The following IFT25 variants were observed in gnomAD, a reference collection of about 807,000 sequenced individuals.
IFT25 encodes the protein intraflagellar transport protein 25 homolog.
chr1:53,922,690 T>C, the IFT25 span, among the ~76,000 whole-genome samples: 4 of 152,142 alleles, frequency 2.6e-5, no homozygotes, highest in Admixed American at 2.6e-4. Context: ...GGACAAACTG[T>C]GTAATGACAG....
the IFT25 span, among the ~76,000 whole-genome samples, chr1:53,926,077 CAAAAAA>C: frequency 1.8e-5 from 1 of 54,130 alleles, no homozygotes; most frequent in African/African-American, 6.3e-5. Context: ...ACTCCAGTCT[CAAAAAA>C]AAAAAAAAAA....
the IFT25 span, among the ~76,000 whole-genome samples, chr1:53,914,662 CTG>C: frequency 2.6e-5 from 4 of 152,196 alleles, no homozygotes; most frequent in South Asian, 8.3e-4. Context: ...AATGGAATTT[CTG>C]TGTCAAAGAC....
chr1:53,942,198 T>A, the IFT25 span, among the ~76,000 whole-genome samples: 1 of 152,122 alleles, frequency 6.6e-6, no homozygotes, highest in Non-Finnish European at 1.5e-5. Flanking sequence ...AGATATTTAA[T>A]AAGGATAAAA....
the IFT25 span, among the ~76,000 whole-genome samples, chr1:53,915,513 G>A: frequency 6.6e-6 from 1 of 152,114 alleles, no homozygotes; most frequent in East Asian, 1.9e-4. Context: ...TGAAGAGTCA[G>A]GTATAAGAAC....
chr1:53,915,706 T>C, the IFT25 span, among the ~76,000 whole-genome samples: 2 of 152,172 alleles, frequency 1.3e-5, no homozygotes, highest in African/African-American at 2.4e-5. Context: ...AAGGACCTGA[T>C]GTCAATGAGG....
the IFT25 span, among the ~76,000 whole-genome samples, chr1:53,930,401 T>C: frequency 6.6e-6 from 1 of 152,190 alleles, no homozygotes; most frequent in Non-Finnish European, 1.5e-5. Flanking sequence ...TTGCCTATAA[T>C]TCTAAACTCC....
At chr1:53,912,032 T>TCATG in the IFT25 span, among the ~76,000 whole-genome samples, 2 of 152,108 alleles carry the variant, frequency 1.3e-5, no homozygotes, top group Non-Finnish European at 2.9e-5. Flanking sequence ...CCAAAGCCAC[T>TCATG]CATGACCAAC....
the IFT25 span, among the ~76,000 whole-genome samples, chr1:53,931,060 T>C: frequency 6.6e-6 from 1 of 152,174 alleles, no homozygotes; most frequent in South Asian, 2.1e-4. Context: ...TACAGAACAT[T>C]TCCGTGACTC....
the IFT25 span, among the ~76,000 whole-genome samples, chr1:53,932,965 A>AT: frequency 6.6e-6 from 1 of 151,988 alleles, no homozygotes; most frequent in African/African-American, 2.4e-5. Context: ...GTCTTTATTG[A>AT]TTTTCTGCCA....
At chr1:53,931,985 T>G in the IFT25 span, among the ~76,000 whole-genome samples, 907 of 152,330 alleles carry the variant, frequency 6.0e-3, 9 homozygotes, top group African/African-American at 0.021. Flanking sequence ...ATGCTATTAC[T>G]TTCCCTTGAG....
chr1:53,937,034 C>T, the IFT25 span, among the ~76,000 whole-genome samples: 1 of 152,140 alleles, frequency 6.6e-6, no homozygotes, highest in Non-Finnish European at 1.5e-5. Flanking sequence ...TTCCATTATC[C>T]TGTAGGGACA....
the IFT25 span, among the ~76,000 whole-genome samples, chr1:53,933,033 T>C: frequency 6.6e-6 from 1 of 152,252 alleles, no homozygotes; most frequent in African/African-American, 2.4e-5. Flanking sequence ...AACTGTGAAT[T>C]TGTCTATTTC....
chr1:53,944,908 A>G, the IFT25 span, among the ~76,000 whole-genome samples: 1 of 152,124 alleles, frequency 6.6e-6, no homozygotes, highest in Middle Eastern at 3.2e-3. Flanking sequence ...TCTTCAGGTC[A>G]AGTCCTTAGA....
chr1:53,941,283 G>A, the IFT25 span, among the ~76,000 whole-genome samples: 1,355 of 152,150 alleles, frequency 8.9e-3, 23 homozygotes, highest in African/African-American at 0.03. Flanking sequence ...GTGAGCCACC[G>A]CGCCCGGCTT....
chr1:53,942,956 G>A, the IFT25 span, among the ~76,000 whole-genome samples: 8 of 152,182 alleles, frequency 5.3e-5, no homozygotes, highest in Admixed American at 4.6e-4. Flanking sequence ...TTGTTCGGAG[G>A]AGAGTAAAAA....
At chr1:53,923,637 T>C in the IFT25 span, 1 of 346,294 alleles carries the variant, frequency 2.9e-6, no homozygotes, top group Admixed American at 4.7e-5. Context: ...ACCAAATAAA[T>C]ACTTCAAAGT....
the IFT25 span, among the ~76,000 whole-genome samples, chr1:53,940,446 C>T: frequency 1.3e-5 from 2 of 151,782 alleles, no homozygotes; most frequent in African/African-American, 4.8e-5. Context: ...AAAAGAGAAA[C>T]AAAAGAATAA....
chr1:53,929,669 A>G, the IFT25 span: 1 of 162,528 alleles, frequency 6.2e-6, no homozygotes, highest in Non-Finnish European at 1.3e-5. Flanking sequence ...TCCAGGACAA[A>G]TGAATCTAGA....
chr1:53,942,482 A>G, the IFT25 span, among the ~76,000 whole-genome samples: 2 of 152,256 alleles, frequency 1.3e-5, no homozygotes, highest in African/African-American at 4.8e-5. Flanking sequence ...ATGGCTGATT[A>G]TATGTTACAG....
Sources: allele counts gnomAD v4.1 joint callset (sites outside exome capture counted in the v4.1 genomes callset), GRCh38; gene constraint gnomAD v4.1.1; transcripts MANE v1.5; gene names NCBI Gene and HGNC (gene_info 2026-07-23, HGNC 2026-07-21).